The following CIMAP1D variants were observed in gnomAD, a reference collection of about 807,000 sequenced individuals.
CIMAP1D encodes the protein protein CIMAP1D.
the CIMAP1D span, among the ~76,000 whole-genome samples, chr19:488,694 G>T: frequency 6.6e-6 from 1 of 152,226 alleles, no homozygotes; most frequent in Non-Finnish European, 1.5e-5. Context: ...CCGGAACCTG[G>T]ATCCCCGACC....
At chr19:470,486 C>T in the CIMAP1D span, among the ~76,000 whole-genome samples, 2 of 152,056 alleles carry the variant, frequency 1.3e-5, no homozygotes, top group African/African-American at 2.4e-5. Flanking sequence ...GCTGGGATTA[C>T]AGGCGTGAGC....
chr19:464,261 CAG>C, the CIMAP1D span: 9 of 1,536,590 alleles, frequency 5.9e-6, no homozygotes, highest in Non-Finnish European at 7.0e-6. Flanking sequence ...CCAGGGGCTT[CAG>C]GGGGAGGCGG....
At chr19:484,107 TTTTA>T in the CIMAP1D span, among the ~76,000 whole-genome samples, 3 of 151,844 alleles carry the variant, frequency 2.0e-5, no homozygotes, top group Admixed American at 6.6e-5. Flanking sequence ...GTCTCTCTTG[TTTTA>T]TTTATTTTTT....
At chr19:469,769 G>A in the CIMAP1D span, among the ~76,000 whole-genome samples, 6 of 152,076 alleles carry the variant, frequency 3.9e-5, no homozygotes, top group African/African-American at 9.7e-5. Flanking sequence ...CCTCACTCAC[G>A]TGACCACAGA....
chr19:490,943 G>A, the CIMAP1D span, among the ~76,000 whole-genome samples: 19,724 of 152,100 alleles, frequency 0.13, 2,889 homozygotes, highest in African/African-American at 0.35. Context: ...TACTAAAAAT[G>A]CAAAAGTTAG....
the CIMAP1D span, among the ~76,000 whole-genome samples, chr19:470,246 A>G: frequency 4.5e-4 from 63 of 139,520 alleles, no homozygotes; most frequent in East Asian, 0.012. Context: ...TCGCTCTCTC[A>G]CCCAGGCTGG....
At chr19:481,498 T>TGGGGAAGGATGATG in the CIMAP1D span, among the ~76,000 whole-genome samples, 6 of 44,754 alleles carry the variant, frequency 1.3e-4, 1 homozygote, top group East Asian at 8.2e-4. Flanking sequence ...GGAAGGATGA[T>TGGGGAAGGATGATG]GGGAAGGATG....
chr19:490,779 C>A, the CIMAP1D span, among the ~76,000 whole-genome samples: 1 of 152,136 alleles, frequency 6.6e-6, no homozygotes, highest in Non-Finnish European at 1.5e-5. Flanking sequence ...GCCTGACCAA[C>A]ATGGGGAAAC....
the CIMAP1D span, among the ~76,000 whole-genome samples, chr19:466,038 G>GTGGA: frequency 7.4e-6 from 1 of 135,842 alleles, no homozygotes; most frequent in Non-Finnish European, 1.5e-5. Context: ...GGATGGGTGG[G>GTGGA]TGGATGGGTG....
At chr19:480,513 TGG>T in the CIMAP1D span, among the ~76,000 whole-genome samples, 4,155 of 111,060 alleles carry the variant, frequency 0.037, 471 homozygotes, top group African/African-American at 0.17. Context: ...AGAAGGATGA[TGG>T]GGAAGGATGA....
chr19:464,047 T>C, the CIMAP1D span: 1 of 1,587,620 alleles, frequency 6.3e-7, no homozygotes, highest in Non-Finnish European at 8.5e-7. Flanking sequence ...CCCAGCATGG[T>C]GAAGGCAGGC....
the CIMAP1D span, chr19:467,845 C>G: frequency 1.2e-6 from 1 of 847,662 alleles, no homozygotes; most frequent in Admixed American, 2.6e-5. Flanking sequence ...CCCTCTTGGC[C>G]CCGAGACACT....
chr19:483,851 G>A, the CIMAP1D span, among the ~76,000 whole-genome samples: 26 of 152,276 alleles, frequency 1.7e-4, no homozygotes, highest in East Asian at 3.7e-3. Flanking sequence ...CCCTCTACCT[G>A]TCAGCCGCCA....
chr19:471,411 G>A, the CIMAP1D span, among the ~76,000 whole-genome samples: 4 of 151,432 alleles, frequency 2.6e-5, no homozygotes, highest in African/African-American at 9.7e-5. Flanking sequence ...GCCTCCCAAA[G>A]TGCTGGGATT....
chr19:487,635 G>A, the CIMAP1D span, among the ~76,000 whole-genome samples: 1 of 152,004 alleles, frequency 6.6e-6, no homozygotes, highest in Non-Finnish European at 1.5e-5. Context: ...GCACCACTGC[G>A]CTCCAGCCTG....
the CIMAP1D span, chr19:475,057 C>T: frequency 5.2e-5 from 15 of 290,446 alleles, no homozygotes; most frequent in Admixed American, 1.6e-4. Context: ...GCCGGCAGAG[C>T]TGGGCAGCTG....
chr19:477,157 A>G, the CIMAP1D span, among the ~76,000 whole-genome samples: 1 of 152,226 alleles, frequency 6.6e-6, no homozygotes, highest in Non-Finnish European at 1.5e-5. Flanking sequence ...GCAGTGAGCC[A>G]AGATTGTGCC....
At chr19:467,284 A>G in the CIMAP1D span, among the ~76,000 whole-genome samples, 1 of 151,522 alleles carries the variant, frequency 6.6e-6, no homozygotes, top group Non-Finnish European at 1.5e-5. Flanking sequence ...GGGCAGGTGG[A>G]TGGGAGAATG....
At chr19:485,471 G>A in the CIMAP1D span, among the ~76,000 whole-genome samples, 1 of 152,196 alleles carries the variant, frequency 6.6e-6, no homozygotes, top group Non-Finnish European at 1.5e-5. Flanking sequence ...GCCGATCCAA[G>A]TCCCACCGTT....
Sources: allele counts gnomAD v4.1 joint callset (sites outside exome capture counted in the v4.1 genomes callset), GRCh38; gene constraint gnomAD v4.1.1; transcripts MANE v1.5; gene names NCBI Gene and HGNC (gene_info 2026-07-23, HGNC 2026-07-21).